DOK6: variants seen among roughly 807,000 people sequenced by gnomAD.
DOK6 encodes the protein downstream of tyrosine kinase 6.
In DOK6, 22 loss-of-function variants were observed where a neutral mutation model predicts 44.0. The observed-to-expected ratio is 0.50, with a 90% CI of 0.36 to 0.71. The LOEUF is 0.71. DOK6 is among the 30% of genes least tolerant of loss of function. DOK6 has a pLI of 0.00. For synonymous variants in DOK6, 166 were observed against 145.5 expected (o/e 1.14, Z -1.01); for missense variants, 340 against 416.4 (o/e 0.82, Z 1.60).
chr18:69,455,914 T>C (rs944106865), intron 1 of DOK6, among the ~76,000 whole-genome samples: 4 of 151,864 alleles, frequency 2.6e-5, no homozygotes, highest in African/African-American at 9.7e-5. Context: ...AAGTATAAAC[T>C]AGTTTGAAAT....
intron 1 of DOK6, among the ~76,000 whole-genome samples, chr18:69,499,931 C>T (rs954844705): frequency 6.6e-6 from 1 of 152,178 alleles, no homozygotes; most frequent in African/African-American, 2.4e-5. Context: ...TGAATGCTAA[C>T]ATTTTTCATG....
intron 7 of DOK6, among the ~76,000 whole-genome samples, chr18:69,764,784 A>G (rs1193518355): frequency 6.6e-6 from 1 of 152,208 alleles, no homozygotes; most frequent in Non-Finnish European, 1.5e-5. Context: ...AACAGCTTGA[A>G]CAACTACACT....
chr18:69,602,583 A>G (rs1471684926), intron 3 of DOK6, among the ~76,000 whole-genome samples: 3 of 152,230 alleles, frequency 2.0e-5, no homozygotes, highest in Admixed American at 6.5e-5. Context: ...TAGTTAGTAA[A>G]AATTTATCAA....
chr18:69,417,935 A>G (rs1309046709), intron 1 of DOK6, among the ~76,000 whole-genome samples: 1 of 152,074 alleles, frequency 6.6e-6, no homozygotes, highest in Non-Finnish European at 1.5e-5. Flanking sequence ...TGTTTGGGTT[A>G]TTTATGTATC....
chr18:69,796,270 T>A (rs1346505951), intron 7 of DOK6, among the ~76,000 whole-genome samples: 1 of 152,168 alleles, frequency 6.6e-6, no homozygotes, highest in Non-Finnish European at 1.5e-5. Flanking sequence ...TTACAAACAA[T>A]TTCTCTAATC....
At chr18:69,569,920 T>G (rs944679724) in intron 2 of DOK6, among the ~76,000 whole-genome samples, 2 of 152,132 alleles carry the variant, frequency 1.3e-5, no homozygotes, top group Admixed American at 1.3e-4. Flanking sequence ...GCCATTATCC[T>G]TAGCAAACTA....
chr18:69,481,570 G>A (rs1174689174), intron 1 of DOK6, among the ~76,000 whole-genome samples: 1 of 152,152 alleles, frequency 6.6e-6, no homozygotes, highest in African/African-American at 2.4e-5. Flanking sequence ...TTTTATGGCT[G>A]CATAGTATAC....
rs139473129 is a variant in DOK6, at chr18:69,570,136, C to T, written c.174+5542C>T. Among the ~76,000 whole-genome samples, 7 of 151,982 alleles carry T rather than the reference C, an allele frequency of 4.6e-5. No individual in the cohort carries two copies. The East Asian group carries it at 1.4e-3, about 29-fold the overall frequency. On this transcript the variant is annotated intron_variant, in intron 2 of 7. Coordinates refer to ENST00000382713, the MANE Select transcript of DOK6 (RefSeq NM_152721.6). ...TGATGAAATAATCTGTACACCAAACCCCCAGTCACAAGTTTACCTATATAG... is the reference window on the plus strand; with the variant it reads ...TGATGAAATAATCTGTACACCAAACTCCCAGTCACAAGTTTACCTATATAG...
At chr18:69,784,424 A>C (rs1418708853) in intron 7 of DOK6, among the ~76,000 whole-genome samples, 2 of 151,688 alleles carry the variant, frequency 1.3e-5, no homozygotes, top group Admixed American at 1.3e-4. Context: ...ATATATAAAT[A>C]AATTATTCTC....
chr18:69,756,661 A>G (rs1292881888), intron 6 of DOK6, among the ~76,000 whole-genome samples: 2 of 152,174 alleles, frequency 1.3e-5, no homozygotes, highest in African/African-American at 2.4e-5. Context: ...AGCATCTTCT[A>G]TGAAGGGTGG....
At chr18:69,762,843 G>A (rs1979605372) in intron 7 of DOK6, among the ~76,000 whole-genome samples, 1 of 152,216 alleles carries the variant, frequency 6.6e-6, no homozygotes, top group African/African-American at 2.4e-5. Flanking sequence ...CACACGTAAA[G>A]ATTGACATAG....
chr18:69,619,611 G>T (rs1274984032), intron 3 of DOK6, among the ~76,000 whole-genome samples: 3 of 152,192 alleles, frequency 2.0e-5, no homozygotes, highest in African/African-American at 7.2e-5. Context: ...AGACAAATTC[G>T]TGGCAGCGCT....
intron 4 of DOK6, among the ~76,000 whole-genome samples, chr18:69,693,792 T>C (rs755753663): frequency 2.6e-5 from 4 of 151,684 alleles, no homozygotes; most frequent in Non-Finnish European, 5.9e-5. Context: ...GGCGCGGTGG[T>C]TCACGCCTGT....
At chr18:69,837,763 G>T (rs1470821489) in intron 7 of DOK6, among the ~76,000 whole-genome samples, 3 of 152,198 alleles carry the variant, frequency 2.0e-5, no homozygotes, top group Admixed American at 2.0e-4. Flanking sequence ...ACTCATGTCT[G>T]TCTGTTTCAA....
At chr18:69,645,710 C>CA (rs1367603242) in intron 3 of DOK6, among the ~76,000 whole-genome samples, 4 of 151,890 alleles carry the variant, frequency 2.6e-5, no homozygotes, top group South Asian at 2.1e-4. Flanking sequence ...CTTAGGTCTA[C>CA]AAAAAAAACC....
intron 7 of DOK6, among the ~76,000 whole-genome samples, chr18:69,766,540 T>C (rs1016457747): frequency 2.0e-5 from 3 of 152,212 alleles, no homozygotes; most frequent in African/African-American, 7.2e-5. Context: ...TTACACGTAT[T>C]ATATACTGTA....
chr18:69,669,336 A>G (rs1188413631), intron 3 of DOK6, among the ~76,000 whole-genome samples: 1 of 152,150 alleles, frequency 6.6e-6, no homozygotes, highest in Non-Finnish European at 1.5e-5. Context: ...TCCCACCTAA[A>G]AGTGAGAACA....
rs1555720928 is a variant in DOK6, at chr18:69,659,835, T to TATAA, written c.290-17898_290-17897insTAAA. On this transcript the variant is annotated intron_variant, in intron 3 of 7. Coordinates refer to ENST00000382713, the MANE Select transcript of DOK6 (RefSeq NM_152721.6). ...GCTTTTTTTTTGTTATATATATATA[T>TATAA]AACATATATGTATGTTATATATATA... The TATAA allele has an allele frequency of 2.6e-3, 82 of 31,194 alleles. 5 individuals carry two copies. The highest frequency in any genetic ancestry group is 0.015 in the Middle Eastern group (1 of 66). The allele number at this position is 31,194 out of a possible 1,614,324, so 1.9% of individuals were successfully genotyped here.
In DOK6 at chr18:69,641,293, C is replaced by A. The variant is rs183191418; in HGVS notation, c.290-36441C>A. Among the ~76,000 whole-genome samples the A allele has an allele frequency of 4.1e-3, 616 of 151,824 alleles. 1 individual carries two copies. Among genetic ancestry groups the A allele is most frequent in the Non-Finnish European group, 6.2e-3 (423 of 67,940 alleles). ...AGTGCTAATGCTGTTCCACAAAAAA[C>A]TTCCACTTAATCATTAACTAAACTG... is the stretch of plus-strand genomic sequence containing the variant. On this transcript the variant is annotated intron_variant, in intron 3 of 7. Coordinates refer to ENST00000382713, the MANE Select transcript of DOK6 (RefSeq NM_152721.6).
Sources: gnomAD v4.1 joint callset for allele counts (sites outside exome capture counted in the v4.1 genomes callset) on GRCh38, gnomAD v4.1.1 for gene constraint, MANE v1.5 for transcripts, NCBI Gene and HGNC (gene_info 2026-07-23, HGNC 2026-07-21) for gene names.